The following CADM2 variants were observed in gnomAD, a reference collection of about 807,000 sequenced individuals.
CADM2 encodes the protein immunoglobulin superfamily member 4D.
In CADM2, 12 loss-of-function variants were observed where a neutral mutation model predicts 49.8. The observed-to-expected ratio is 0.24, with a 90% CI of 0.15 to 0.39. The LOEUF is 0.39. Ranked by LOEUF, CADM2 falls within the 10% of genes least tolerant of loss-of-function variation. The pLI is 1.00. For synonymous variants in CADM2, 214 were observed against 175.4 expected, an observed-to-expected ratio of 1.22 and a Z score of -1.74; for missense variants, 378 against 492.3, an observed-to-expected ratio of 0.77 and a Z score of 2.20.
At chr3:85,156,348 C>G (rs1252471358) in intron 1 of CADM2, among the ~76,000 whole-genome samples, 1 of 152,164 alleles carries the variant, frequency 6.6e-6, no homozygotes, top group Non-Finnish European at 1.5e-5. Flanking sequence ...ACAAACACCT[C>G]TACACAAATA....
At position 85,451,850 on chromosome 3, in the gene CADM2, A is replaced by G. The variant is rs533064347; in HGVS notation, c.62-274672A>G. On this transcript the variant is annotated intron_variant, in intron 1 of 9. Coordinates refer to ENST00000383699, the MANE Select transcript of CADM2 (RefSeq NM_001167675.2). The stretch of plus-strand genomic sequence containing the variant: ...ATTTTAGCTATTATCGTGAAGTGTC[A>G]TTTCACCAGGGATTCATCCTGTGAA... Among the ~76,000 whole-genome samples the G allele has an allele frequency of 7.4e-4, 113 of 152,246 alleles. 1 individual carries two copies. Among genetic ancestry groups the G allele is most frequent in the African/African-American group, 2.5e-3 (104 of 41,568 alleles).
intron 1 of CADM2, among the ~76,000 whole-genome samples, chr3:85,438,668 A>G (rs1367555324): frequency 6.6e-6 from 1 of 151,682 alleles, no homozygotes; most frequent in Admixed American, 6.6e-5. Context: ...TTTCCTTTTC[A>G]TTTTCCTTTT....
chr3:86,064,782 G>C (rs567599516), intron 8 of CADM2, among the ~76,000 whole-genome samples: 3 of 152,176 alleles, frequency 2.0e-5, no homozygotes, highest in African/African-American at 7.2e-5. Flanking sequence ...ATCCTTTTCT[G>C]GGCTGATTTC....
chr3:85,255,954 A>T (rs2042875959), intron 1 of CADM2, among the ~76,000 whole-genome samples: 1 of 151,968 alleles, frequency 6.6e-6, no homozygotes. Context: ...CCAGCTTTTA[A>T]CATTTTTTTT....
chr3:86,049,553 G>A (rs912584303), intron 8 of CADM2, among the ~76,000 whole-genome samples: 1 of 152,074 alleles, frequency 6.6e-6, no homozygotes, highest in Admixed American at 6.6e-5. Flanking sequence ...GAGCCACCGT[G>A]CCTGGCCAAG....
At chr3:85,603,438 G>T (rs1035005011) in intron 1 of CADM2, among the ~76,000 whole-genome samples, 3 of 151,766 alleles carry the variant, frequency 2.0e-5, no homozygotes, top group African/African-American at 7.3e-5. Flanking sequence ...CTACACATTT[G>T]TTTTTCCTCA....
chr3:85,172,849 T>A (rs991514426), intron 1 of CADM2, among the ~76,000 whole-genome samples: 6 of 146,900 alleles, frequency 4.1e-5, no homozygotes, highest in African/African-American at 1.2e-4. Flanking sequence ...ATATTATATA[T>A]AAAAATATAT....
rs538933570 is a variant in CADM2, at chr3:85,737,527, CG to C, written c.88+10980del. On this transcript the variant is annotated intron_variant, in intron 2 of 9. Coordinates refer to ENST00000383699, the MANE Select transcript of CADM2 (RefSeq NM_001167675.2). Reference sequence around the variant, plus strand: ...GCAACAATATATCTGGCCTAAACTTCGAAAGAGTCATTAATTTAATTCATTC... The same window carrying C: ...GCAACAATATATCTGGCCTAAACTTCAAAGAGTCATTAATTTAATTCATTC... Among the ~76,000 whole-genome samples, 15 of 151,244 alleles carry C rather than the reference CG, an allele frequency of 9.9e-5. No homozygotes were observed. In the South Asian group the frequency reaches 2.7e-3, roughly 27 times the overall value.
Position 85,009,920 on chromosome 3 carries a change from T to C in CADM2, c.61+50252T>C, listed in dbSNP as rs532593004. Among the ~76,000 whole-genome samples the C allele has an allele frequency of 9.9e-5, 15 of 150,994 alleles. No individual in the cohort carries two copies. In the East Asian group the frequency reaches 2.9e-3, roughly 29 times the overall value. ...ATAAATAAATAAATATTTTAAAAAA[T>C]AAATAAAATTTGTTGTAAGCTAAAT... On this transcript the variant is annotated intron_variant, in intron 1 of 9. Transcript: ENST00000383699.
intron 1 of CADM2, among the ~76,000 whole-genome samples, chr3:84,995,196 C>T (rs2033113676): frequency 6.6e-6 from 1 of 152,080 alleles, no homozygotes; most frequent in Non-Finnish European, 1.5e-5. Flanking sequence ...TAGTCACATT[C>T]CAAAACAGTG....
intron 1 of CADM2, among the ~76,000 whole-genome samples, chr3:85,657,132 A>G (rs905532733): frequency 1.3e-5 from 2 of 151,984 alleles, no homozygotes; most frequent in African/African-American, 4.8e-5. Flanking sequence ...AGCTAGCTAT[A>G]TTTCTCTCTC....
intron 1 of CADM2, among the ~76,000 whole-genome samples, chr3:85,607,180 A>C (rs1470629702): frequency 2.0e-5 from 3 of 152,174 alleles, no homozygotes; most frequent in Non-Finnish European, 4.4e-5. Flanking sequence ...TTGATAATTA[A>C]ATGGTCATTT....
At chr3:84,973,149 G>T (rs1200969102) in intron 1 of CADM2, among the ~76,000 whole-genome samples, 1 of 152,186 alleles carries the variant, frequency 6.6e-6, no homozygotes, top group Non-Finnish European at 1.5e-5. Flanking sequence ...CTGGCCTCAG[G>T]TGATCCGCCA....
intron 1 of CADM2, among the ~76,000 whole-genome samples, chr3:85,671,895 A>G (rs2065748290): frequency 6.6e-6 from 1 of 152,304 alleles, no homozygotes; most frequent in Non-Finnish European, 1.5e-5. Context: ...TATATAAGAC[A>G]TAAAATTATC....
At chr3:85,399,460 G>A (rs1441001765) in intron 1 of CADM2, among the ~76,000 whole-genome samples, 1 of 152,126 alleles carries the variant, frequency 6.6e-6, no homozygotes, top group Non-Finnish European at 1.5e-5. Context: ...GGCAATGCGG[G>A]CTCTTTTTTG....
intron 1 of CADM2, among the ~76,000 whole-genome samples, chr3:85,136,115 ATGT>A (rs1489260632): frequency 1.3e-5 from 2 of 151,990 alleles, no homozygotes; most frequent in Non-Finnish European, 2.9e-5. Context: ...AGTGACTGAA[ATGT>A]TGTTTTACAC....
At chr3:85,619,180 A>G (rs1445566368) in intron 1 of CADM2, among the ~76,000 whole-genome samples, 1 of 152,172 alleles carries the variant, frequency 6.6e-6, no homozygotes, top group Non-Finnish European at 1.5e-5. Flanking sequence ...TTTCTCAGAC[A>G]CCATGCGGAT....
At chr3:85,360,790 CAA>C in intron 1 of CADM2, among the ~76,000 whole-genome samples, 1 of 152,248 alleles carries the variant, frequency 6.6e-6, no homozygotes, top group South Asian at 2.1e-4. Flanking sequence ...AGTGTTGTTA[CAA>C]ACTGGTGTTC....
intron 2 of CADM2, among the ~76,000 whole-genome samples, chr3:85,752,035 CAA>C (rs1225277814): frequency 3.3e-5 from 5 of 151,806 alleles, no homozygotes; most frequent in Non-Finnish European, 5.9e-5. Context: ...TAGAATTTAA[CAA>C]AGAGATGTTT....
Sources: gnomAD v4.1 joint callset for allele counts (sites outside exome capture counted in the v4.1 genomes callset) on GRCh38, gnomAD v4.1.1 for gene constraint, MANE v1.5 for transcripts, NCBI Gene and HGNC (gene_info 2026-07-23, HGNC 2026-07-21) for gene names.